The following CAMK2G variants were observed in gnomAD, a reference collection of about 807,000 sequenced individuals.
The protein encoded by CAMK2G is calcium/calmodulin dependent protein kinase II gamma, also known as calcium/calmodulin-dependent protein kinase type II subunit gamma.
In CAMK2G, 23 loss-of-function variants were observed where a neutral mutation model predicts 88.7. That is an observed-to-expected ratio of 0.26 (90% CI 0.19 to 0.37). The LOEUF is 0.37. CAMK2G is among the 10% of genes least tolerant of loss of function. The probability of loss-of-function intolerance (pLI) is 1.00; values close to 1 mark genes in which losing one functional copy is unlikely to be tolerated. For synonymous variants in CAMK2G, 263 were observed against 294.8 expected (o/e 0.89, Z 1.11); for missense variants, 476 against 780.8 (o/e 0.61, Z 4.65).
chr10:73,857,121 A>C (rs542607180), intron 3 of CAMK2G, among the ~76,000 whole-genome samples: 18 of 152,162 alleles, frequency 1.2e-4, no homozygotes, highest in African/African-American at 3.6e-4. Context: ...GTCATGATTC[A>C]ATGTTTCTTT....
At chr10:73,820,067 G>A (rs994412928) in intron 18 of CAMK2G, among the ~76,000 whole-genome samples, 2 of 152,142 alleles carry the variant, frequency 1.3e-5, no homozygotes, top group South Asian at 4.1e-4. Flanking sequence ...TCACTTCCTC[G>A]CAGCTTTCTG....
Position 73,860,113 on chromosome 10 carries a change from C to A in CAMK2G, c.220+717G>T, listed in dbSNP as rs149399500. On this transcript the variant is annotated intron_variant, in intron 3 of 22. Transcript: ENST00000423381. ...GCAGCCAGCCCAGTTTCTGTCCCTT[C>A]TGCAAGGAGCACCAAATCAGGGCCA... Among the ~76,000 whole-genome samples the A allele has an allele frequency of 1.7e-3, 257 of 152,358 alleles. 1 individual carries two copies. Among genetic ancestry groups the A allele is most frequent in the Non-Finnish European group, 2.7e-3 (186 of 68,036 alleles).
chr10:73,846,372 A>C (rs1381093061), intron 10 of CAMK2G: 1 of 152,238 alleles, frequency 6.6e-6, no homozygotes, highest in Non-Finnish European at 1.5e-5. Context: ...GCCAAGAACA[A>C]GCACAGGGGT....
At chr10:73,847,410 T>C (rs2242258) in intron 9 of CAMK2G, 63 bp from the exon 10 acceptor site, 474,149 of 1,567,404 alleles carry the variant, frequency 0.3, 82,945 homozygotes, top group East Asian at 0.67. Context: ...GCAACACTGG[T>C]TCTGTCTTCA....
chr10:73,873,271 C>T, intron 1 of CAMK2G, 188 bp from the exon 2 acceptor site: 1 of 1,190,866 alleles, frequency 8.4e-7, no homozygotes, highest in African/African-American at 1.5e-5. Context: ...CCGCAGGACA[C>T]TGAACAGATG....
intron 2 of CAMK2G, among the ~76,000 whole-genome samples, chr10:73,870,379 C>T (rs1346209452): frequency 6.6e-6 from 1 of 152,196 alleles, no homozygotes; most frequent in African/African-American, 2.4e-5. Flanking sequence ...CAGTGCTCAA[C>T]GCATATCCGC....
intron 1 of CAMK2G, among the ~76,000 whole-genome samples, chr10:73,873,879 A>T (rs1056689680): frequency 1.2e-3 from 4 of 3,282 alleles, no homozygotes; most frequent in Non-Finnish European, 2.3e-3. Flanking sequence ...GGGTGGGGGG[A>T]GGGGACGGGG....
At chr10:73,871,123 G>C (rs1463441105) in intron 2 of CAMK2G, among the ~76,000 whole-genome samples, 1 of 151,876 alleles carries the variant, frequency 6.6e-6, no homozygotes, top group Non-Finnish European at 1.5e-5. Context: ...GGGAGTTGCT[G>C]TCTGAAGCAT....
At chr10:73,873,292 G>T in intron 1 of CAMK2G, 6 of 1,263,258 alleles carry the variant, frequency 4.7e-6, no homozygotes, top group Non-Finnish European at 6.3e-6. Flanking sequence ...TGGGTGGCGT[G>T]CCGCGCTCCC....
intron 2 of CAMK2G, among the ~76,000 whole-genome samples, chr10:73,866,922 C>A (rs1176639126): frequency 6.6e-6 from 1 of 152,258 alleles, no homozygotes; most frequent in Non-Finnish European, 1.5e-5. Context: ...CTCACCCTGA[C>A]ACTGTGATGC....
At chr10:73,844,686 G>A (rs2094097623) in intron 10 of CAMK2G, among the ~76,000 whole-genome samples, 1 of 152,290 alleles carries the variant, frequency 6.6e-6, no homozygotes. Context: ...GGGATTACAG[G>A]TGTGAGCCTT....
chr10:73,848,376 TG>T lies in CAMK2G; in HGVS notation c.601+149del. 1 of 682,104 alleles carries T rather than the reference TG, an allele frequency of 1.5e-6. No homozygotes were observed. The highest frequency in any genetic ancestry group is 2.7e-6 in the Non-Finnish European group (1 of 371,544). The allele number at this position is 682,104 out of a possible 1,614,324, so 42.3% of individuals were successfully genotyped here. On this transcript the variant is annotated intron_variant, in intron 8 of 22. Coordinates refer to ENST00000423381, the MANE Select transcript of CAMK2G (RefSeq NM_001367534.1). The surrounding 1 kb of genome is among the most constrained non-coding windows in gnomAD (Gnocchi z 4.5). ...GAAGTACGCAGGGAGGAGGGTGTGA[TG>T]GGAACAGCCATCCCAGGGGCAAACA...
intron 21 of CAMK2G, chr10:73,816,008 G>T (rs1210303887): frequency 2.5e-5 from 25 of 985,048 alleles, no homozygotes; most frequent in Non-Finnish European, 2.9e-5. Context: ...AGATAACAGA[G>T]AGTTTATATA....
chr10:73,825,745 C>T (rs2090729707), intron 15 of CAMK2G, among the ~76,000 whole-genome samples: 1 of 152,258 alleles, frequency 6.6e-6, no homozygotes, highest in Non-Finnish European at 1.5e-5. Context: ...GGTCCCCTAT[C>T]TGTGGGCAGT....
At chr10:73,822,024 G>A (rs551346313) in intron 17 of CAMK2G, among the ~76,000 whole-genome samples, 20 of 152,176 alleles carry the variant, frequency 1.3e-4, no homozygotes, top group African/African-American at 4.8e-4. Context: ...AAAATCTTCT[G>A]GTTCTGCCTC....
intron 9 of CAMK2G, among the ~76,000 whole-genome samples, 161 bp from the exon 10 acceptor site, chr10:73,847,508 T>C (rs958598387): frequency 6.6e-6 from 1 of 152,208 alleles, no homozygotes; most frequent in Non-Finnish European, 1.5e-5. Flanking sequence ...CCAGAACCTG[T>C]GTCAACTTAA....
intron 12 of CAMK2G, chr10:73,841,754 G>A (rs948539065): frequency 6.3e-5 from 11 of 174,818 alleles, no homozygotes; most frequent in Admixed American, 4.5e-4. Flanking sequence ...GTAAGAGATC[G>A]TCCCAGCAGG....
chr10:73,837,223 G>A, intron 14 of CAMK2G: 1 of 547,290 alleles, frequency 1.8e-6, no homozygotes, highest in Non-Finnish European at 3.3e-6. Flanking sequence ...TTCAGCTCTG[G>A]TATAAACTAT....
At chr10:73,829,311 T>C (rs962930305) in intron 14 of CAMK2G, among the ~76,000 whole-genome samples, 63 of 151,382 alleles carry the variant, frequency 4.2e-4, no homozygotes, top group Admixed American at 1.3e-3. Context: ...TATTTATTTA[T>C]TTTTAGGGAG....
Sources: gnomAD v4.1 joint callset for allele counts (sites outside exome capture counted in the v4.1 genomes callset) on GRCh38, gnomAD v4.1.1 for gene constraint, Gnocchi (gnomAD v3.1) non-coding constraint, MANE v1.5 for transcripts, NCBI Gene and HGNC (gene_info 2026-07-23, HGNC 2026-07-21) for gene names.